Variants in PSME4 observed in about 807,000 individuals in gnomAD.
The protein encoded by PSME4 is proteasome activator subunit 4, also known as proteasome activator complex subunit 4.
A neutral mutation model predicts 253.9 loss-of-function variants in PSME4; 89 were observed. The observed-to-expected ratio is 0.35, with a 90% CI of 0.30 to 0.42. The LOEUF is 0.42. Among genes scored for constraint, PSME4 ranks in the 10% least tolerant of loss-of-function variants. The pLI, the probability that PSME4 is intolerant of heterozygous loss-of-function variation, is 1.00. For missense variants in PSME4, 2,014 were observed against 2,195.2 expected, an observed-to-expected ratio of 0.92 and a Z score of 1.65; for synonymous variants, 851 against 759.2, an observed-to-expected ratio of 1.12 and a Z score of -1.99.
intron 5 of PSME4, 127 bp downstream of exon 5, chr2:53,937,264 A>T: frequency 2.2e-6 from 2 of 898,974 alleles, no homozygotes; most frequent in Non-Finnish European, 3.3e-6. Flanking sequence ...TTCAAGTATA[A>T]TAAACTTGAA....
At chr2:53,947,821 G>A (rs573877941) in intron 3 of PSME4, among the ~76,000 whole-genome samples, 6 of 152,226 alleles carry the variant, frequency 3.9e-5, no homozygotes, top group African/African-American at 1.2e-4. Flanking sequence ...TTCGAGACCA[G>A]CCTGGCCAAC....
intron 3 of PSME4, among the ~76,000 whole-genome samples, chr2:53,943,841 C>A: frequency 2.7e-5 from 3 of 112,718 alleles, no homozygotes; most frequent in African/African-American, 6.7e-5. Context: ...AAAAAAACTC[C>A]ATCTCAAAAA....
chr2:53,924,418 G>A (rs1198254127), intron 14 of PSME4, among the ~76,000 whole-genome samples: 1 of 152,176 alleles, frequency 6.6e-6, no homozygotes, highest in South Asian at 2.1e-4. Context: ...AAAGGCTACA[G>A]ATAATAGGTA....
intron 20 of PSME4, 24 bp from the exon 21 acceptor site, chr2:53,910,154 C>T (rs1450518312): frequency 1.3e-6 from 2 of 1,578,062 alleles, no homozygotes; most frequent in Admixed American, 1.7e-5. Context: ...AGAGTGCTTG[C>T]ATTTATTAAT....
rs1448759575 is a variant in PSME4 at position 53,864,234 on chromosome 2, A to G, written c.*1344T>C. The G allele has an allele frequency of 6.6e-6, 1 of 152,260 alleles. No homozygotes were observed. The highest frequency in any genetic ancestry group is 1.5e-5 in the Non-Finnish European group (1 of 68,024). 9.4% of individuals were successfully genotyped at this position (152,260 alleles called of 1,614,324 possible). On this transcript the variant is annotated 3_prime_UTR_variant, in exon 47 of 47. Coordinates refer to ENST00000404125, the MANE Select transcript of PSME4 (RefSeq NM_014614.3). The stretch of plus-strand genomic sequence containing the variant: ...CAGTCATTCAGCATGTAGATACTAA[A>G]AATATACTGTAGTGTTCCTTTAAGG...
At chr2:53,942,724 C>A (rs1049002950) in intron 3 of PSME4, among the ~76,000 whole-genome samples, 1 of 152,056 alleles carries the variant, frequency 6.6e-6, no homozygotes, top group African/African-American at 2.4e-5. Context: ...AAATTGTATT[C>A]TCAATTTCCT....
chr2:53,939,564 A>C (rs528081017), intron 4 of PSME4, among the ~76,000 whole-genome samples: 53 of 152,308 alleles, frequency 3.5e-4, no homozygotes, highest in African/African-American at 1.3e-3. Flanking sequence ...CACTCTCTAC[A>C]AAAAATATTG....
At chr2:53,967,598 C>T (rs776770035) in intron 1 of PSME4, among the ~76,000 whole-genome samples, 1 of 126,174 alleles carries the variant, frequency 7.9e-6, no homozygotes, top group Non-Finnish European at 1.6e-5. Flanking sequence ...CAGTGAGCCA[C>T]GATAGTGCCA....
intron 16 of PSME4, 102 bp from the exon 17 acceptor site, chr2:53,922,686 C>T: frequency 7.4e-7 from 1 of 1,352,306 alleles, no homozygotes; most frequent in East Asian, 2.5e-5. Flanking sequence ...CTGAGGAAAA[C>T]CTCTTTTAGG....
Position 53,949,335 on chromosome 2 carries a change from C to T in PSME4, c.243-52G>A, listed in dbSNP as rs1030781311. ...TTAAAAATAGGTATGATGACACATCCATGTTCAATGCAGCATTATCCATAG... is the reference window on the plus strand; with the variant it reads ...TTAAAAATAGGTATGATGACACATCTATGTTCAATGCAGCATTATCCATAG... On this transcript the variant is annotated intron_variant, in intron 1 of 46. Transcript: ENST00000404125. 11 of 1,211,476 alleles carry T rather than the reference C, an allele frequency of 9.1e-6. No individual in the cohort carries two copies. In the African/African-American group the frequency reaches 1.7e-4, roughly 19 times the overall value. The allele number at this position is 1,211,476 out of a possible 1,614,324, so 75.0% of individuals were successfully genotyped here.
At chr2:53,911,523 T>C (rs961766586) in intron 20 of PSME4, among the ~76,000 whole-genome samples, 1 of 152,138 alleles carries the variant, frequency 6.6e-6, no homozygotes, top group African/African-American at 2.4e-5. Flanking sequence ...TGAAATTAGA[T>C]TTCACCAAAG....
chr2:53,935,146 C>A (rs1381619111), intron 7 of PSME4, among the ~76,000 whole-genome samples: 1 of 152,194 alleles, frequency 6.6e-6, no homozygotes, highest in Non-Finnish European at 1.5e-5. Context: ...ATGCAAGTAT[C>A]TTCTAGCAGA....
At position 53,911,114 on chromosome 2, in the gene PSME4, G is replaced by A. The variant is rs1266370446; in HGVS notation, c.2517-984C>T. On this transcript the variant is annotated intron_variant, in intron 20 of 46. Coordinates refer to ENST00000404125, the MANE Select transcript of PSME4 (RefSeq NM_014614.3). ...CTCTACCTTAATATTTGACAGTTAT[G>A]AATTCAGGTATTTATCTAAGTAATA... Among the ~76,000 whole-genome samples, 3 of 152,144 alleles carry A rather than the reference G, an allele frequency of 2.0e-5. No individual in the cohort carries two copies. The East Asian group carries it at 5.8e-4, about 29-fold the overall frequency.
chr2:53,939,520 G>A (rs1326439653), intron 4 of PSME4, among the ~76,000 whole-genome samples: 2 of 152,122 alleles, frequency 1.3e-5, no homozygotes, highest in East Asian at 1.9e-4. Context: ...GAGGCCAGGG[G>A]TTCAAGACCA....
At chr2:53,929,136 A>G (rs978541689) in intron 10 of PSME4, among the ~76,000 whole-genome samples, 3 of 149,746 alleles carry the variant, frequency 2.0e-5, no homozygotes, top group Non-Finnish European at 3.0e-5. Flanking sequence ...ACTGCACTCC[A>G]GCCTGGGCGA....
In PSME4 at chr2:53,910,109, C is replaced by T. The variant is rs1573266391; in HGVS notation, c.2538G>A (p.Leu846=). 9 of 1,607,282 alleles carry T rather than the reference C, an allele frequency of 5.6e-6. No individual in the cohort carries two copies. The African/African-American group carries it at 8.0e-5, about 14-fold the overall frequency. The part of the protein sequence containing the change: ...VTNLVPSMVS[L]EETKLYTGLE... ...GTCCAGTATACAACTTTGTCTCTTC[C>T]AAGGACACCATACTTGGTACTCTGT... The change falls in exon 21 of 47, where the codon TTG becomes TTA. Residue 846 remains leucine, a synonymous_variant. Transcript: ENST00000404125.
intron 26 of PSME4, among the ~76,000 whole-genome samples, chr2:53,906,174 A>C (rs538728063): frequency 1.3e-5 from 2 of 152,332 alleles, no homozygotes; most frequent in African/African-American, 4.8e-5. Flanking sequence ...ATGTGGTAGC[A>C]GCTTCCTAAA....
intron 1 of PSME4, among the ~76,000 whole-genome samples, chr2:53,958,014 T>A (rs1670313003): frequency 6.6e-6 from 1 of 151,972 alleles, no homozygotes; most frequent in South Asian, 2.1e-4. Flanking sequence ...AGAGAAACCC[T>A]GTCTCTACTA....
intron 27 of PSME4, among the ~76,000 whole-genome samples, chr2:53,903,496 T>C (rs1680507387): frequency 6.6e-6 from 1 of 152,184 alleles, no homozygotes; most frequent in African/African-American, 2.4e-5. Flanking sequence ...TAGGATGTAG[T>C]ATTTGCCTTA....
Sources: allele counts gnomAD v4.1 joint callset (sites outside exome capture counted in the v4.1 genomes callset), GRCh38; gene constraint gnomAD v4.1.1; transcripts MANE v1.5; gene names NCBI Gene and HGNC (gene_info 2026-07-23, HGNC 2026-07-21).